MCTP1: variants seen among roughly 807,000 people sequenced by gnomAD.
MCTP1 encodes the protein multiple C2 and transmembrane domain-containing protein 1.
Under a neutral mutation model 120.6 loss-of-function variants are expected in MCTP1, and 69 were observed. That is an observed-to-expected ratio of 0.57 (90% CI 0.47 to 0.70). MCTP1 has a LOEUF of 0.70. Among genes scored for constraint, MCTP1 ranks in the 30% least tolerant of loss-of-function variants. The pLI is 0.00. For missense variants in MCTP1, 1,203 were observed against 1,248.8 expected (o/e 0.96, Z 0.55); for synonymous variants, 529 against 493.1 (o/e 1.07, Z -0.96).
chr5:94,978,944 T>C (rs911621776), intron 2 of MCTP1: 4 of 151,986 alleles, frequency 2.6e-5, no homozygotes. Context: ...ACTGAGTTTT[T>C]GAGAGAAAGA....
At chr5:95,127,501 T>C (rs1372181133) in intron 1 of MCTP1, among the ~76,000 whole-genome samples, 13 of 151,990 alleles carry the variant, frequency 8.6e-5, no homozygotes, top group Admixed American at 8.5e-4. Context: ...GAGGTGGTGG[T>C]GCAGTCTTGG....
At chr5:95,007,702 T>C (rs532954337) in intron 2 of MCTP1, among the ~76,000 whole-genome samples, 37 of 152,342 alleles carry the variant, frequency 2.4e-4, no homozygotes, top group African/African-American at 8.7e-4. Flanking sequence ...GTAGAAGTTC[T>C]CAATTAGTGA....
chr5:95,166,337 C>G (rs1310755903), intron 1 of MCTP1, among the ~76,000 whole-genome samples: 1 of 152,148 alleles, frequency 6.6e-6, no homozygotes, highest in Non-Finnish European at 1.5e-5. Flanking sequence ...TGTAGTGCTT[C>G]ACATCAAAAC....
chr5:95,001,704 C>T lies in MCTP1; in HGVS notation c.838+15663G>A, dbSNP rs191715586. Among the ~76,000 whole-genome samples, 43 of 152,158 alleles carry T rather than the reference C, an allele frequency of 2.8e-4. 1 individual carries two copies. The highest frequency in any genetic ancestry group is 1.6e-4 in the Non-Finnish European group (11 of 67,990). ...GTATCTGGCAGAAGAAATTTCTAAG[C>T]GGCAAACTGTTCAAGAGAAAGCAGA... is the stretch of plus-strand genomic sequence containing the variant. On this transcript the variant is annotated intron_variant, in intron 2 of 22. Coordinates refer to ENST00000515393, the MANE Select transcript of MCTP1 (RefSeq NM_024717.7).
At chr5:95,168,933 T>C (rs1304059057) in intron 1 of MCTP1, among the ~76,000 whole-genome samples, 1 of 152,114 alleles carries the variant, frequency 6.6e-6, no homozygotes, top group African/African-American at 2.4e-5. Flanking sequence ...TCCAACACTA[T>C]GTTGAATAGG....
At chr5:95,252,135 G>C (rs1181128198) in intron 1 of MCTP1, among the ~76,000 whole-genome samples, 1 of 152,066 alleles carries the variant, frequency 6.6e-6, no homozygotes, top group Admixed American at 6.6e-5. Flanking sequence ...ACAATGACTA[G>C]TCCTCAAGGA....
chr5:95,034,645 G>A (rs1179036621), intron 1 of MCTP1, among the ~76,000 whole-genome samples: 1 of 151,746 alleles, frequency 6.6e-6, no homozygotes, highest in Non-Finnish European at 1.5e-5. Context: ...AGGAAAAACT[G>A]TTCTGGATAT....
chr5:94,836,179 C>CAAAAAAAAAAAAAAAAAAAA (rs35396232), intron 17 of MCTP1, among the ~76,000 whole-genome samples: 1 of 65,962 alleles, frequency 1.5e-5, no homozygotes, highest in African/African-American at 6.5e-5. Context: ...GACTCCGTCT[C>CAAAAAAAAAAAAAAAAAAAA]AAAAAAAAAA....
intron 19 of MCTP1, among the ~76,000 whole-genome samples, chr5:94,745,427 T>A (rs750307736): frequency 6.6e-6 from 1 of 152,222 alleles, no homozygotes; most frequent in Non-Finnish European, 1.5e-5. Context: ...GTGTAATACA[T>A]ATATTTGACT....
At chr5:94,995,098 C>T (rs141149663) in intron 2 of MCTP1, among the ~76,000 whole-genome samples, 99 of 152,312 alleles carry the variant, frequency 6.5e-4, no homozygotes, top group African/African-American at 2.3e-3. Context: ...AGTCAATTCT[C>T]CTACGAAACT....
At chr5:94,807,920 GA>G (rs564461955) in intron 17 of MCTP1, among the ~76,000 whole-genome samples, 2 of 152,052 alleles carry the variant, frequency 1.3e-5, no homozygotes, top group Non-Finnish European at 2.9e-5. Flanking sequence ...AGTGTATACA[GA>G]AAAAAAGCTA....
chr5:94,737,843 A>T (rs1263976835), intron 19 of MCTP1, among the ~76,000 whole-genome samples: 1 of 151,966 alleles, frequency 6.6e-6, no homozygotes, highest in Non-Finnish European at 1.5e-5. Flanking sequence ...CACTTGGTTA[A>T]TTTTTTTGTA....
At chr5:95,058,746 C>T (rs569941439) in intron 1 of MCTP1, among the ~76,000 whole-genome samples, 1 of 152,140 alleles carries the variant, frequency 6.6e-6, no homozygotes, top group South Asian at 2.1e-4. Context: ...TGTAGATCTT[C>T]CTGCTACACA....
At chr5:95,119,391 G>A (rs931892744) in intron 1 of MCTP1, among the ~76,000 whole-genome samples, 2 of 152,026 alleles carry the variant, frequency 1.3e-5, no homozygotes, top group Admixed American at 6.6e-5. Flanking sequence ...AAAAGTAGAA[G>A]AAAGTTTATA....
chr5:95,066,901 G>C (rs1012731410), intron 1 of MCTP1, among the ~76,000 whole-genome samples: 1 of 152,160 alleles, frequency 6.6e-6, no homozygotes, highest in African/African-American at 2.4e-5. Context: ...AATAATGTGC[G>C]ATCTAGATCC....
chr5:95,202,540 T>C lies in MCTP1; in HGVS notation c.720+81316A>G, dbSNP rs144521994. ...TGTCTCTTTGGAGAACCCTGACTAG[T>C]ACAATTTCTTTGTAAGTAAACAATT... On this transcript the variant is annotated intron_variant, in intron 1 of 22. Coordinates refer to ENST00000515393, the MANE Select transcript of MCTP1 (RefSeq NM_024717.7). Among the ~76,000 whole-genome samples, 12 of 152,352 alleles carry C rather than the reference T, an allele frequency of 7.9e-5. No homozygotes were observed. The East Asian group carries it at 1.9e-3, about 25-fold the overall frequency.
Position 95,147,448 on chromosome 5 carries a change from T to C in MCTP1, c.721-129964A>G, listed in dbSNP as rs540298705. On this transcript the variant is annotated intron_variant, in intron 1 of 22. Coordinates refer to ENST00000515393, the MANE Select transcript of MCTP1 (RefSeq NM_024717.7). ...TGTTGAGTTGAACCCTTTGCCATTA[T>C]GTAATGCCCTTCTTTGTCCTTCTTG... 9.2e-4 allele frequency among the ~76,000 whole-genome samples: 140 copies of C among 152,360 alleles called. 2 individuals carry two copies. Among genetic ancestry groups the C allele is most frequent in the African/African-American group, 3.1e-3 (128 of 41,592 alleles).
At chr5:94,846,981 C>T (rs928600374) in intron 17 of MCTP1, among the ~76,000 whole-genome samples, 1 of 152,178 alleles carries the variant, frequency 6.6e-6, no homozygotes, top group Non-Finnish European at 1.5e-5. Context: ...CCCATTCCCA[C>T]CCTACAGCAT....
At chr5:94,973,358 C>T (rs1376973552) in intron 2 of MCTP1, among the ~76,000 whole-genome samples, 1 of 152,178 alleles carries the variant, frequency 6.6e-6, no homozygotes, top group African/African-American at 2.4e-5. Flanking sequence ...TCTCCTGGTT[C>T]CCCCATGAGA....
Sources: allele counts gnomAD v4.1 joint callset (sites outside exome capture counted in the v4.1 genomes callset), GRCh38; gene constraint gnomAD v4.1.1; transcripts MANE v1.5; gene names NCBI Gene and HGNC (gene_info 2026-07-23, HGNC 2026-07-21).